MAPK8IP1: variants seen among roughly 807,000 people sequenced by gnomAD.
MAPK8IP1 encodes mitogen-activated protein kinase 8 interacting protein 1.
MAPK8IP1 carries 17 observed loss-of-function variants against 72.6 expected under a neutral mutation model. The observed-to-expected ratio is 0.23, with a 90% confidence interval of 0.16 to 0.35. The LOEUF is 0.35. MAPK8IP1 is among the 10% of genes least tolerant of loss of function. The pLI is 1.00. For synonymous variants in MAPK8IP1, 401 were observed against 443.4 expected (o/e 0.90, Z 1.20); for missense variants, 789 against 1,009.7 (o/e 0.78, Z 2.96).
At chr11:45,892,604 T>C (rs2086576016) in intron 1 of MAPK8IP1, among the ~76,000 whole-genome samples, 1 of 152,066 alleles carries the variant, frequency 6.6e-6, no homozygotes, top group Non-Finnish European at 1.5e-5. Flanking sequence ...AGAGAAGGCT[T>C]GCAGAGGAGA....
At chr11:45,891,691 T>A (rs904283198) in intron 1 of MAPK8IP1, among the ~76,000 whole-genome samples, 1 of 152,248 alleles carries the variant, frequency 6.6e-6, no homozygotes, top group Non-Finnish European at 1.5e-5. Flanking sequence ...TCTTCCTGTG[T>A]GCAATATCAT....
In MAPK8IP1 at chr11:45,905,244, C is replaced by T. The variant is rs910838565; in HGVS notation, c.2058C>T (p.Ser686=). The part of the protein sequence containing the change: ...SEDSTKALAE[S]VGRAFQQFYK... ...ACTCCACCAAAGCCCTGGCAGAGTC[C>T]GTGGGGTACGTGTACACCCTGCTGA... is the stretch of plus-strand genomic sequence containing the variant. Residue 686 remains serine, a synonymous_variant, in exon 11 of 12, where the codon TCC becomes TCT. Transcript: ENST00000241014. The T allele has an allele frequency of 2.7e-5, 44 of 1,611,446 alleles. No individual in the cohort carries two copies. The highest frequency in any genetic ancestry group is 1.1e-4 in the East Asian group (5 of 44,886).
At chr11:45,897,009 T>C in intron 1 of MAPK8IP1, 1 of 1,529,276 alleles carries the variant, frequency 6.5e-7, no homozygotes, top group Non-Finnish European at 8.9e-7. Context: ...TCCATCGAGC[T>C]CAGGGTCTCT....
At chr11:45,894,432 A>AC (rs1255988421) in intron 1 of MAPK8IP1, among the ~76,000 whole-genome samples, 2 of 148,292 alleles carry the variant, frequency 1.3e-5, no homozygotes, top group Non-Finnish European at 3.1e-5. Flanking sequence ...AGGCTCTCTG[A>AC]CCCCCAGCCC....
In MAPK8IP1 at chr11:45,898,151, T is replaced by C; in HGVS notation, c.168T>C (p.Cys56=). 2 of 1,613,678 alleles carry C rather than the reference T, an allele frequency of 1.2e-6. No homozygotes were observed. Among genetic ancestry groups the C allele is most frequent in the Admixed American group, 1.7e-5 (1 of 59,996 alleles). ...DEDLSEITDE[C]GISLQCKDTL... ...ACCTCTCGGAGATCACTGATGAGTG[T>C]GGCATCAGCTTACAGTGCAAAGACA... The change falls in exon 2 of 12, where the codon TGT becomes TGC. Residue 56 remains cysteine (C), a synonymous_variant. Coordinates refer to ENST00000241014, the MANE Select transcript of MAPK8IP1 (RefSeq NM_005456.4).
At chr11:45,891,568 G>A (rs1040824853) in intron 1 of MAPK8IP1, among the ~76,000 whole-genome samples, 1 of 152,148 alleles carries the variant, frequency 6.6e-6, no homozygotes, top group Non-Finnish European at 1.5e-5. Flanking sequence ...AGCAGACGGG[G>A]AGCCCATGCT....
chr11:45,898,293 G>A, intron 2 of MAPK8IP1, 103 bp downstream of exon 2: 3 of 740,886 alleles, frequency 4.0e-6, no homozygotes, highest in Non-Finnish European at 4.8e-6. Flanking sequence ...GGTCTGTGCT[G>A]GCACCCTCAT....
intron 1 of MAPK8IP1, among the ~76,000 whole-genome samples, chr11:45,886,827 C>T (rs574716021): frequency 1.3e-5 from 2 of 152,228 alleles, no homozygotes; most frequent in Admixed American, 6.5e-5. Context: ...TTCCCCATCT[C>T]GAGAACTGGC....
chr11:45,892,491 G>GCGGGC (rs1197833864), intron 1 of MAPK8IP1, among the ~76,000 whole-genome samples: 1 of 151,046 alleles, frequency 6.6e-6, no homozygotes, highest in Non-Finnish European at 1.5e-5. Flanking sequence ...GGAGGCCACC[G>GCGGGC]CGGGCCGCAT....
intron 1 of MAPK8IP1, among the ~76,000 whole-genome samples, chr11:45,897,211 C>A (rs952281097): frequency 6.6e-6 from 1 of 152,090 alleles, no homozygotes; most frequent in Non-Finnish European, 1.5e-5. Context: ...CACCACCCCC[C>A]CAGCAAGCCA....
rs971367978 is a variant in MAPK8IP1 at position 45,900,151 on chromosome 11, G to A, written c.221G>A (p.Gly74Glu). The A allele has an allele frequency of 7.7e-7, 1 of 1,299,396 alleles. No homozygotes were observed. Among genetic ancestry groups the A allele is most frequent in the Non-Finnish European group, 9.7e-7 (1 of 1,030,880 alleles). The allele number at this position is 1,299,396 out of a possible 1,614,324, so 80.5% of individuals were successfully genotyped here. ...TGCGCTGTGCAGCCCCCGCGCGCCG[G>A]GCTGCTCTCTGCGGGCGGCGGCGGC... ...DTLSLRPPRAGLLSAGGGGAG... is the reference protein window; with the variant it reads ...DTLSLRPPRAELLSAGGGGAG... Residue 74 changes from glycine (G) to glutamate (E), a missense_variant, in exon 3 of 12, where the codon GGG (glycine) becomes GAG (glutamate). Physicochemically the swap from Gly to Glu is moderately conservative, Grantham distance 98. Around this residue, in one of 4 missense-constraint regions of MAPK8IP1, gnomAD observed 112 missense variants for 111.8 expected, o/e 1.00. Coordinates refer to ENST00000241014, the MANE Select transcript of MAPK8IP1 (RefSeq NM_005456.4). This position sits in a 1 kb window ranked among gnomAD's most constrained non-coding sequence, Gnocchi z 6.5.
At chr11:45,890,901 T>C (rs748097318) in intron 1 of MAPK8IP1, among the ~76,000 whole-genome samples, 1 of 152,056 alleles carries the variant, frequency 6.6e-6, no homozygotes, top group Non-Finnish European at 1.5e-5. Flanking sequence ...CACTGAAGCC[T>C]CAGAGAGGAC....
chr11:45,895,668 AG>A (rs1331323667), intron 1 of MAPK8IP1, among the ~76,000 whole-genome samples: 6 of 148,478 alleles, frequency 4.0e-5, no homozygotes, highest in Middle Eastern at 3.5e-3. Context: ...ATATGTGCAG[AG>A]GTCACTGGCA....
chr11:45,892,104 G>A (rs917087505), intron 1 of MAPK8IP1, among the ~76,000 whole-genome samples: 8 of 152,140 alleles, frequency 5.3e-5, no homozygotes, highest in Non-Finnish European at 1.2e-4. Context: ...GATGACCTCC[G>A]TATGGAGGTG....
intron 2 of MAPK8IP1, 143 bp from the exon 3 acceptor site, chr11:45,899,995 G>T (rs1381125445): frequency 2.0e-5 from 8 of 402,938 alleles, no homozygotes; most frequent in Non-Finnish European, 3.0e-5. Flanking sequence ...GGGCGAGAGC[G>T]CCCCAGTCTC....
rs765302160 is a variant in MAPK8IP1 at position 45,903,049 on chromosome 11, G to A, written c.1282G>A (p.Gly428Arg). The change falls in exon 5 of 12, where the codon GGA becomes AGA. Residue 428 changes from glycine to arginine, a missense_variant. By Grantham distance (125) the Gly-to-Arg change is moderately radical (BLOSUM62 -2). Around this residue, in one of 4 missense-constraint regions of MAPK8IP1, gnomAD observed 377 missense variants for 411.7 expected, o/e 0.92. Transcript: ENST00000241014. The surrounding 1 kb of genome is among the most constrained non-coding windows in gnomAD (Gnocchi z 6.4). ...SVSSPYESAI[G>R]EEYEEAPRPQ... ...CTCCTCGCCCTATGAGTCGGCCATCGGAGAGGAATATGAGGAGGCCCCGCG... is the reference window on the plus strand; with the variant it reads ...CTCCTCGCCCTATGAGTCGGCCATCAGAGAGGAATATGAGGAGGCCCCGCG... 2.2e-5 allele frequency: 35 copies of A among 1,611,582 alleles called. No homozygotes were observed. The highest frequency in any genetic ancestry group is 2.1e-4 in the South Asian group (19 of 90,998).
Position 45,903,266 on chromosome 11 carries a change from C to T in MAPK8IP1, c.1417+82C>T, listed in dbSNP as rs1014424755. On this transcript the variant is annotated intron_variant, in intron 5 of 11. Transcript: ENST00000241014. This position sits in a 1 kb window ranked among gnomAD's most constrained non-coding sequence, Gnocchi z 6.4. Reference sequence around the variant, plus strand: ...AAATGCGAAGTGTTCTGGGAGGCGACCCCAGGCCCCATCTGGTTAGGACTG... The same window carrying T: ...AAATGCGAAGTGTTCTGGGAGGCGATCCCAGGCCCCATCTGGTTAGGACTG... The T allele has an allele frequency of 1.1e-5, 18 of 1,576,202 alleles. No homozygotes were observed. In the South Asian group the frequency reaches 1.9e-4, roughly 17 times the overall value.
Position 45,886,548 on chromosome 11 carries a change from G to C in MAPK8IP1, c.101+627G>C, listed in dbSNP as rs188883010. 7.2e-3 allele frequency among the ~76,000 whole-genome samples: 1,100 copies of C among 152,270 alleles called. 8 individuals are homozygous for C. Among genetic ancestry groups the C allele is most frequent in the Non-Finnish European group, 0.012 (801 of 68,000 alleles). On this transcript the variant is annotated intron_variant, in intron 1 of 11. Coordinates refer to ENST00000241014, the MANE Select transcript of MAPK8IP1 (RefSeq NM_005456.4). The stretch of plus-strand genomic sequence containing the variant: ...CGGCTGCGGGAAGGGAAGTCGGCTC[G>C]GCTCTGGAGTAGCCAGGGCCAGCGA...
At position 45,900,376 on chromosome 11, in the gene MAPK8IP1, G is replaced by T. The variant is rs1348669319; in HGVS notation, c.446G>T (p.Gly149Val). The T allele has an allele frequency of 4.6e-6, 7 of 1,524,686 alleles. No homozygotes were observed. The highest frequency in any genetic ancestry group is 6.1e-6 in the Non-Finnish European group (7 of 1,142,770). The allele number at this position is 1,524,686 out of a possible 1,614,324, so 94.4% of individuals were successfully genotyped here. ...GQGQSQGQSQGPGSGDTYRPK... is the reference protein window; with the variant it reads ...GQGQSQGQSQVPGSGDTYRPK... ...GGCCAGAGCCAAGGCCAGAGCCAGG[G>T]CCCGGGCAGCGGGGACACGTACCGG... The change falls in exon 3 of 12, where the codon GGC becomes GTC. Residue 149 changes from glycine to valine, a missense_variant. Physicochemically the swap from Gly to Val is moderately radical, Grantham distance 109. Transcript: ENST00000241014. The surrounding 1 kb of genome is among the most constrained non-coding windows in gnomAD (Gnocchi z 6.5).
Sources: gnomAD v4.1 joint callset for allele counts (sites outside exome capture counted in the v4.1 genomes callset) on GRCh38, gnomAD v4.1.1 for gene constraint, gnomAD v4.1.1 regional missense constraint, Gnocchi (gnomAD v3.1) non-coding constraint, MANE v1.5 for transcripts, NCBI Gene and HGNC (gene_info 2026-07-23, HGNC 2026-07-21) for gene names.